ASTN1: variants seen among roughly 807,000 people sequenced by gnomAD.
The protein encoded by ASTN1 is astrotactin 1, also known as astrotactin-1.
ASTN1 carries 41 observed loss-of-function variants against 140.7 expected under a neutral mutation model. That is an observed-to-expected ratio of 0.29 (90% CI 0.23 to 0.38). The LOEUF is 0.38. ASTN1 is among the 10% of genes least tolerant of loss of function. The pLI, the probability that ASTN1 is intolerant of heterozygous loss-of-function variation, is 1.00. For synonymous variants in ASTN1, 640 were observed against 652.2 expected (o/e 0.98, Z 0.29); for missense variants, 1,479 against 1,678.8 (o/e 0.88, Z 2.08).
At chr1:177,068,934 T>A (rs759674129) in intron 1 of ASTN1, among the ~76,000 whole-genome samples, 9 of 150,876 alleles carry the variant, frequency 6.0e-5, no homozygotes, top group Non-Finnish European at 1.2e-4. Flanking sequence ...TTTTCCTACC[T>A]CAGCTTCCCA....
At chr1:177,004,384 G>T (rs1459292136) in intron 8 of ASTN1, among the ~76,000 whole-genome samples, 1 of 152,160 alleles carries the variant, frequency 6.6e-6, no homozygotes, top group African/African-American at 2.4e-5. Context: ...TCATGAAAAT[G>T]ACCATACTGC....
At chr1:177,095,376 G>A (rs1679980557) in intron 1 of ASTN1, among the ~76,000 whole-genome samples, 1 of 152,142 alleles carries the variant, frequency 6.6e-6, no homozygotes, top group Admixed American at 6.5e-5. Context: ...TGAGATAATG[G>A]AAGAATGACC....
intron 8 of ASTN1, among the ~76,000 whole-genome samples, chr1:177,009,930 C>T (rs1675206262): frequency 6.6e-6 from 1 of 152,036 alleles, no homozygotes. Flanking sequence ...ATCTGAGATG[C>T]CAGAATAAGA....
intron 8 of ASTN1, among the ~76,000 whole-genome samples, chr1:176,972,115 A>T (rs1164293314): frequency 1.3e-5 from 2 of 152,206 alleles, no homozygotes; most frequent in South Asian, 2.1e-4. Flanking sequence ...AATGGTAAAT[A>T]TTTATCATCT....
At position 177,121,669 on chromosome 1, in the gene ASTN1, C is replaced by T. The variant is rs961415150; in HGVS notation, c.283+42725G>A. ...CCTCCACCTCCTTCTTCCCTTCCTC[C>T]AACTTCTTTAAGGCTCTGTGAGCTC... On this transcript the variant is annotated intron_variant, in intron 1 of 22. Transcript: ENST00000361833. Among the ~76,000 whole-genome samples the T allele has an allele frequency of 9.2e-5, 14 of 152,218 alleles. No individual in the cohort carries two copies. The South Asian group carries it at 2.7e-3, about 29-fold the overall frequency.
intron 17 of ASTN1, among the ~76,000 whole-genome samples, chr1:176,889,918 C>T (rs892610017): frequency 1.3e-5 from 2 of 152,174 alleles, no homozygotes; most frequent in African/African-American, 4.8e-5. Flanking sequence ...CCACTTTATG[C>T]TTTGCCTGAC....
chr1:177,128,233 A>G (rs1292821881), intron 1 of ASTN1, among the ~76,000 whole-genome samples: 1 of 152,160 alleles, frequency 6.6e-6, no homozygotes, highest in Non-Finnish European at 1.5e-5. Flanking sequence ...TTTTCTCACA[A>G]GCCTTTCTGA....
At chr1:177,133,845 T>C (rs1263214575) in intron 1 of ASTN1, among the ~76,000 whole-genome samples, 1 of 152,230 alleles carries the variant, frequency 6.6e-6, no homozygotes, top group African/African-American at 2.4e-5. Flanking sequence ...GCATGCTATA[T>C]GAGGGAAGGA....
intron 17 of ASTN1, among the ~76,000 whole-genome samples, chr1:176,893,674 C>T (rs74665309): frequency 0.054 from 8,197 of 152,256 alleles, 282 homozygotes; most frequent in African/African-American, 0.097. Flanking sequence ...GCACACCTCT[C>T]AGGCAGGTAA....
intron 12 of ASTN1, among the ~76,000 whole-genome samples, chr1:176,948,142 A>G (rs775296348): frequency 7.9e-5 from 12 of 152,242 alleles, no homozygotes; most frequent in Admixed American, 2.6e-4. Context: ...TAGTTTTATG[A>G]CTATAAACAT....
At chr1:177,029,857 T>C (rs1571677445) in intron 4 of ASTN1, 116 bp from the exon 5 acceptor site, 2 of 1,020,036 alleles carry the variant, frequency 2.0e-6, no homozygotes, top group Non-Finnish European at 1.4e-6. Flanking sequence ...TGACTGATAA[T>C]CTGGGAGAAA....
At chr1:177,077,969 T>C (rs2205788) in intron 1 of ASTN1, among the ~76,000 whole-genome samples, 69,252 of 151,816 alleles carry the variant, frequency 0.46, 17,233 homozygotes, top group Non-Finnish European at 0.57. Context: ...CATAAATAAG[T>C]GGAAGCAGAG....
chr1:177,089,486 G>A (rs748308174), intron 1 of ASTN1, among the ~76,000 whole-genome samples: 16 of 152,070 alleles, frequency 1.1e-4, no homozygotes, highest in Admixed American at 8.5e-4. Context: ...AAATGTTTGC[G>A]ACAAATAAGA....
intron 16 of ASTN1, among the ~76,000 whole-genome samples, chr1:176,895,351 C>G (rs1024288516): frequency 9.9e-5 from 15 of 152,150 alleles, no homozygotes; most frequent in African/African-American, 3.4e-4. Context: ...CATTCAAGGT[C>G]TACTTTAACC....
chr1:176,961,833 C>T (rs1672678277), intron 9 of ASTN1, among the ~76,000 whole-genome samples: 1 of 152,202 alleles, frequency 6.6e-6, no homozygotes, highest in Non-Finnish European at 1.5e-5. Context: ...GGGTGAGCAT[C>T]TAGAATGCTT....
intron 9 of ASTN1, among the ~76,000 whole-genome samples, chr1:176,960,182 T>G (rs985981440): frequency 6.6e-6 from 1 of 152,260 alleles, no homozygotes; most frequent in South Asian, 2.1e-4. Flanking sequence ...CTCCAAGAAT[T>G]TGTATAATTT....
At chr1:176,923,905 A>G (rs762336580) in intron 16 of ASTN1, among the ~76,000 whole-genome samples, 3 of 152,162 alleles carry the variant, frequency 2.0e-5, no homozygotes, top group Non-Finnish European at 4.4e-5. Context: ...CTTATCCTTT[A>G]TCTTGTGATT....
At chr1:176,918,110 G>A (rs1489078717) in intron 16 of ASTN1, among the ~76,000 whole-genome samples, 1 of 151,968 alleles carries the variant, frequency 6.6e-6, no homozygotes, top group Non-Finnish European at 1.5e-5. Flanking sequence ...TGTCATTGCA[G>A]CCCTCCTGTG....
intron 8 of ASTN1, chr1:176,981,778 G>A (rs534698542): frequency 1.3e-5 from 2 of 152,766 alleles, no homozygotes; most frequent in South Asian, 4.2e-4. Context: ...ACTGTGCTAG[G>A]GAAGGGAGGA....
Sources: allele counts gnomAD v4.1 joint callset (sites outside exome capture counted in the v4.1 genomes callset), GRCh38; gene constraint gnomAD v4.1.1; transcripts MANE v1.5; gene names NCBI Gene and HGNC (gene_info 2026-07-23, HGNC 2026-07-21).